Variants in DHX57 observed in about 807,000 individuals in gnomAD.
The protein encoded by DHX57 is putative ATP-dependent RNA helicase DHX57.
In DHX57, 105 loss-of-function variants were observed where a neutral mutation model predicts 156.2. The observed-to-expected ratio is 0.67, with a 90% CI of 0.57 to 0.79. The LOEUF (loss-of-function observed/expected upper bound fraction) is 0.79. DHX57 is among the 30% of genes least tolerant of loss of function. DHX57 has a pLI of 0.00. For synonymous variants in DHX57, 704 were observed against 595.6 expected (o/e 1.18, Z -2.65); for missense variants, 1,847 against 1,661.9 (o/e 1.11, Z -1.94).
chr2:38,863,373 T>G lies in DHX57; in HGVS notation c.371A>C (p.Asp124Ala), dbSNP rs199537184. The G allele has an allele frequency of 1.2e-4, 191 of 1,610,724 alleles. No individual in the cohort carries two copies. The highest frequency in any genetic ancestry group is 1.6e-4 in the Non-Finnish European group (185 of 1,179,340). The change falls in exon 3 of 24, where the codon GAT (aspartate) becomes GCT (alanine). Residue 124 changes from aspartate to alanine, a missense_variant. By Grantham distance (126) the Asp-to-Ala change is moderately radical. Coordinates refer to ENST00000457308, the MANE Select transcript of DHX57 (RefSeq NM_198963.3). ...LLRDLQEQDA[D>A]AGSERGLSGE... ...TAAAACAATTTACTCAGATCCAGCATCAGCATCTTGTTCTTGCAGGTCTCG... is the reference window on the plus strand; with the variant it reads ...TAAAACAATTTACTCAGATCCAGCAGCAGCATCTTGTTCTTGCAGGTCTCG...
intron 1 of DHX57, among the ~76,000 whole-genome samples, chr2:38,874,399 GTA>G (rs1263621446): frequency 1.5e-4 from 16 of 103,514 alleles, no homozygotes; most frequent in African/African-American, 5.3e-4. Flanking sequence ...TTGAAATACT[GTA>G]TTTTTTTTTT....
At position 38,826,497 on chromosome 2, in the gene DHX57, T is replaced by G. The variant is rs1226786553; in HGVS notation, c.2813+19A>C. 1 of 1,608,882 alleles carries G rather than the reference T, an allele frequency of 6.2e-7. No homozygotes were observed. The highest frequency in any genetic ancestry group is 8.5e-7 in the Non-Finnish European group (1 of 1,176,402). On this transcript the variant is annotated intron_variant, in intron 15 of 23. Transcript: ENST00000457308. ...AAGCATTTTTAGCCCCTCTCTTACA[T>G]CACCACAAGACGGAATACCTCTTTT... is the stretch of plus-strand genomic sequence containing the variant.
At chr2:38,850,309 G>T (rs1032498188) in intron 9 of DHX57, among the ~76,000 whole-genome samples, 2 of 152,024 alleles carry the variant, frequency 1.3e-5, no homozygotes, top group Non-Finnish European at 2.9e-5. Context: ...TTGAGACAAG[G>T]TTTCGCTCTG....
chr2:38,855,196 G>C lies in DHX57; in HGVS notation c.1766C>G (p.Pro589Arg). Residue 589 changes from proline (P) to arginine (R), a missense_variant, in exon 8 of 24, where the codon CCA (proline) becomes CGA (arginine). Pro to Arg is a moderately radical substitution (Grantham distance 103). Coordinates refer to ENST00000457308, the MANE Select transcript of DHX57 (RefSeq NM_198963.3). Reference protein sequence around the residue: ...QFILDDSLNGPPEKVANIICT... With the variant: ...QFILDDSLNGRPEKVANIICT... The stretch of plus-strand genomic sequence containing the variant: ...GATGATGTTGGCTACCTTCTCAGGT[G>C]GTCCATTCAGAGAATCATCCAGAAT... 1 of 1,614,110 alleles carries C rather than the reference G, an allele frequency of 6.2e-7. No individual in the cohort carries two copies. The highest frequency in any genetic ancestry group is 1.1e-5 in the South Asian group (1 of 91,078).
rs1432208985 is a variant in DHX57 at position 38,861,256 on chromosome 2, C to T, written c.1154G>A (p.Cys385Tyr). The part of the protein sequence containing the change: ...YSTNENLPLA[C>Y]RLHISEFLYD... ...AAGAAACTCAGAAATATGTAAACGA[C>T]AAGCCAGAGGTAGGTTCTCATTGGT... is the stretch of plus-strand genomic sequence containing the variant. Residue 385 changes from cysteine (C) to tyrosine (Y), a missense_variant, in exon 5 of 24, where the codon TGT becomes TAT. Transcript: ENST00000457308. The T allele has an allele frequency of 2.0e-5, 33 of 1,614,134 alleles. No individual in the cohort carries two copies. The highest frequency in any genetic ancestry group is 2.4e-5 in the Non-Finnish European group (28 of 1,180,036).
intron 19 of DHX57, 145 bp downstream of exon 19, chr2:38,818,732 T>C (rs1188365628): frequency 2.4e-6 from 2 of 820,594 alleles, no homozygotes; most frequent in Non-Finnish European, 3.8e-6. Flanking sequence ...AGTGCGGGAG[T>C]CCATTTTACA....
intron 21 of DHX57, among the ~76,000 whole-genome samples, chr2:38,807,307 G>A (rs948945087): frequency 4.0e-5 from 6 of 151,818 alleles, no homozygotes; most frequent in Admixed American, 2.0e-4. Context: ...TGCCTGCCTC[G>A]GCCTCCCAAA....
intron 1 of DHX57, 117 bp downstream of exon 1, chr2:38,875,670 G>A (rs939910611): frequency 3.3e-5 from 6 of 182,262 alleles, no homozygotes; most frequent in Non-Finnish European, 6.8e-5. Context: ...GGGCCGCGAT[G>A]CTCGTCAGAT....
At chr2:38,868,959 G>A (rs1665222535) in intron 1 of DHX57, among the ~76,000 whole-genome samples, 1 of 151,962 alleles carries the variant, frequency 6.6e-6, no homozygotes, top group African/African-American at 2.4e-5. Context: ...CTGCCACCAC[G>A]CCCAGCTAAT....
chr2:38,820,956 C>T (rs1382123852), intron 17 of DHX57, among the ~76,000 whole-genome samples: 1 of 150,730 alleles, frequency 6.6e-6, no homozygotes, highest in African/African-American at 2.4e-5. Context: ...GAACACCCTC[C>T]AGGACAGACC....
intron 17 of DHX57, 144 bp downstream of exon 17, chr2:38,822,849 C>T: frequency 2.6e-6 from 2 of 780,644 alleles, no homozygotes; most frequent in South Asian, 2.1e-5. Context: ...CTTCTCCCTC[C>T]CATGCAGATG....
intron 17 of DHX57, among the ~76,000 whole-genome samples, chr2:38,819,535 G>A (rs933767686): frequency 3.9e-5 from 6 of 152,160 alleles, no homozygotes; most frequent in Non-Finnish European, 5.9e-5. Flanking sequence ...AAAGCCAGAT[G>A]CCTTGGGAAA....
At chr2:38,853,059 C>CTTTTCTTTTCTTTTA (rs1255216775) in intron 9 of DHX57, 2 of 176,264 alleles carry the variant, frequency 1.1e-5, no homozygotes, top group African/African-American at 4.8e-5. Flanking sequence ...CTTTTCTTTT[C>CTTTTCTTTTCTTTTA]TTTTCTTTTC....
intron 11 of DHX57, among the ~76,000 whole-genome samples, chr2:38,845,936 G>A (rs1672258674): frequency 6.7e-6 from 1 of 150,358 alleles, no homozygotes; most frequent in Admixed American, 6.7e-5. Flanking sequence ...CGTGGTCTCA[G>A]CTCACTGCAA....
intron 5 of DHX57, among the ~76,000 whole-genome samples, chr2:38,860,567 G>C (rs956984277): frequency 6.6e-6 from 1 of 152,086 alleles, no homozygotes; most frequent in South Asian, 2.1e-4. Flanking sequence ...GAATTCTGGG[G>C]GTCTAGTACA....
At chr2:38,835,776 G>A (rs1027680699) in intron 13 of DHX57, among the ~76,000 whole-genome samples, 5 of 152,172 alleles carry the variant, frequency 3.3e-5, no homozygotes, top group African/African-American at 7.2e-5. Flanking sequence ...AGCCTAAAAC[G>A]ATAAACTGAT....
chr2:38,801,753 C>A (rs1198839613), intron 23 of DHX57, among the ~76,000 whole-genome samples: 1 of 152,126 alleles, frequency 6.6e-6, no homozygotes, highest in African/African-American at 2.4e-5. Flanking sequence ...CACTACCACA[C>A]CTGGTTAATT....
At chr2:38,856,772 A>T in intron 6 of DHX57, 1 of 190,442 alleles carries the variant, frequency 5.3e-6, no homozygotes, top group Non-Finnish European at 1.1e-5. Flanking sequence ...AAGTGCTGGG[A>T]TTACAGCTTT....
intron 12 of DHX57, among the ~76,000 whole-genome samples, chr2:38,840,466 C>T (rs867744090): frequency 3.3e-4 from 50 of 151,492 alleles, no homozygotes; most frequent in Admixed American, 6.6e-5. Flanking sequence ...CTGTAGCCTC[C>T]GCCTCCTGGG....
Sources: allele counts gnomAD v4.1 joint callset (sites outside exome capture counted in the v4.1 genomes callset), GRCh38; gene constraint gnomAD v4.1.1; transcripts MANE v1.5; gene names NCBI Gene and HGNC (gene_info 2026-07-23, HGNC 2026-07-21).